Variants in CHCHD3 observed in about 807,000 individuals in gnomAD.
CHCHD3 encodes coiled-coil-helix-coiled-coil-helix domain containing 3.
A neutral mutation model predicts 38.2 loss-of-function variants in CHCHD3; 20 were observed. The observed-to-expected ratio is 0.52, with a 90% CI of 0.37 to 0.76. The LOEUF (loss-of-function observed/expected upper bound fraction) is 0.76, where lower values mean the gene tolerates loss of function less well. Ranked by LOEUF, CHCHD3 falls within the 30% of genes least tolerant of loss-of-function variation. The probability of loss-of-function intolerance (pLI) is 0.00; values close to 1 mark genes in which losing one functional copy is unlikely to be tolerated. For synonymous variants in CHCHD3, 82 were observed against 100.0 expected, an observed-to-expected ratio of 0.82 and a Z score of 1.07; for missense variants, 245 against 279.2, an observed-to-expected ratio of 0.88 and a Z score of 0.87.
chr7:132,888,864 G>A (rs902285187), intron 4 of CHCHD3, among the ~76,000 whole-genome samples: 2 of 152,016 alleles, frequency 1.3e-5, no homozygotes, highest in African/African-American at 2.4e-5. Flanking sequence ...CATGAGAAAT[G>A]GGGGAGGGAG....
rs572521355 is a variant in CHCHD3 at position 132,839,139 on chromosome 7, C to T, written c.454-670G>A. On this transcript the variant is annotated intron_variant, in intron 5 of 7. Transcript: ENST00000262570. ...CCCGGGAGGTGGAGGTTGCGGTGAG[C>T]GGAGATGGAGCCATTGCACTCCAGT... Among the ~76,000 whole-genome samples, 258 of 151,010 alleles carry T rather than the reference C, an allele frequency of 1.7e-3. 1 individual carries two copies. The highest frequency in any genetic ancestry group is 3.8e-3 in the South Asian group (18 of 4,778).
chr7:132,887,375 C>T (rs576592889), intron 4 of CHCHD3, among the ~76,000 whole-genome samples: 2 of 151,630 alleles, frequency 1.3e-5, no homozygotes, highest in South Asian at 2.1e-4. Context: ...ATCTAATATA[C>T]ATGACTACAT....
At chr7:132,879,901 G>A (rs748530954) in intron 5 of CHCHD3, among the ~76,000 whole-genome samples, 4 of 151,954 alleles carry the variant, frequency 2.6e-5, no homozygotes, top group East Asian at 3.9e-4. Context: ...AGCACAACTC[G>A]ATATTAAAAT....
At chr7:132,971,990 C>T (rs1384628761) in intron 4 of CHCHD3, among the ~76,000 whole-genome samples, 4 of 152,118 alleles carry the variant, frequency 2.6e-5, no homozygotes, top group Non-Finnish European at 5.9e-5. Flanking sequence ...AGCAGGCTTG[C>T]GATCACTGTC....
chr7:132,842,691 C>A (rs1166543149), intron 5 of CHCHD3, among the ~76,000 whole-genome samples: 1 of 152,182 alleles, frequency 6.6e-6, no homozygotes, highest in Admixed American at 6.5e-5. Flanking sequence ...GTGATTTGGG[C>A]TCACCTGGCG....
chr7:132,877,831 A>C (rs1808950979), intron 5 of CHCHD3, among the ~76,000 whole-genome samples: 1 of 152,124 alleles, frequency 6.6e-6, no homozygotes, highest in South Asian at 2.1e-4. Context: ...GTGTCAAAGG[A>C]ATAGTCTATC....
At chr7:132,807,076 T>G (rs142862716) in intron 6 of CHCHD3, among the ~76,000 whole-genome samples, 1 of 152,244 alleles carries the variant, frequency 6.6e-6, no homozygotes, top group East Asian at 1.9e-4. Flanking sequence ...AGTGCTCTGA[T>G]AGCAAGAGGG....
At chr7:132,958,959 T>C (rs951099487) in intron 4 of CHCHD3, among the ~76,000 whole-genome samples, 2 of 152,128 alleles carry the variant, frequency 1.3e-5, no homozygotes, top group Non-Finnish European at 2.9e-5. Context: ...TTAACCAGCA[T>C]CTTTTTTGCC....
intron 2 of CHCHD3, among the ~76,000 whole-genome samples, chr7:133,069,600 C>A (rs1584686148): frequency 6.6e-6 from 1 of 152,130 alleles, no homozygotes; most frequent in Admixed American, 6.5e-5. Flanking sequence ...GGAGAAGAAA[C>A]AGCATTAAGT....
intron 4 of CHCHD3, among the ~76,000 whole-genome samples, chr7:132,949,927 G>A (rs951471911): frequency 6.6e-6 from 1 of 152,068 alleles, no homozygotes; most frequent in African/African-American, 2.4e-5. Context: ...CCCTTCCAAT[G>A]GTCAGCTGTA....
At chr7:132,898,654 G>C (rs1213663136) in intron 4 of CHCHD3, among the ~76,000 whole-genome samples, 1 of 152,262 alleles carries the variant, frequency 6.6e-6, no homozygotes, top group African/African-American at 2.4e-5. Context: ...TGTGGAGCAG[G>C]GGGTGGCGCT....
intron 3 of CHCHD3, among the ~76,000 whole-genome samples, chr7:132,976,532 T>A (rs1009357603): frequency 2.6e-5 from 4 of 152,214 alleles, no homozygotes; most frequent in Admixed American, 2.0e-4. Context: ...GATTTCAGTC[T>A]AATCTCATGA....
intron 4 of CHCHD3, among the ~76,000 whole-genome samples, chr7:132,931,456 T>C (rs1024160974): frequency 6.6e-6 from 1 of 152,198 alleles, no homozygotes; most frequent in African/African-American, 2.4e-5. Context: ...AACATGAAAG[T>C]GGTTTGCTCA....
chr7:133,023,063 G>T (rs887727736), intron 3 of CHCHD3, among the ~76,000 whole-genome samples: 1 of 151,694 alleles, frequency 6.6e-6, no homozygotes, highest in African/African-American at 2.4e-5. Flanking sequence ...ATAACATATT[G>T]ATTCTCTTTT....
intron 2 of CHCHD3, among the ~76,000 whole-genome samples, chr7:133,038,632 G>A (rs1813744207): frequency 6.6e-6 from 1 of 152,160 alleles, no homozygotes; most frequent in Admixed American, 6.5e-5. Context: ...AAAAATTCTT[G>A]GCCACTGACT....
chr7:132,909,764 A>G lies in CHCHD3; in HGVS notation c.370-24019T>C, dbSNP rs540983599. On this transcript the variant is annotated intron_variant, in intron 4 of 7. Transcript: ENST00000262570. Reference sequence around the variant, plus strand: ...CTACTCTCTCATTATTAACACAACTACCTTTATCTTCTTCTCTACAAAGCC... The same window carrying G: ...CTACTCTCTCATTATTAACACAACTGCCTTTATCTTCTTCTCTACAAAGCC... Among the ~76,000 whole-genome samples, 14 of 152,132 alleles carry G rather than the reference A, an allele frequency of 9.2e-5. No individual in the cohort carries two copies. In the East Asian group the frequency reaches 2.5e-3, roughly 27 times the overall value.
chr7:132,862,064 T>TGATG (rs10666936), intron 5 of CHCHD3, among the ~76,000 whole-genome samples: 82,983 of 145,638 alleles, frequency 0.57, 24,084 homozygotes, highest in Non-Finnish European at 0.61. Flanking sequence ...TAATGTTTGC[T>TGATG]GATGGATGGA....
chr7:132,917,760 G>C (rs1052301003), intron 4 of CHCHD3, among the ~76,000 whole-genome samples: 2 of 150,666 alleles, frequency 1.3e-5, no homozygotes, highest in Admixed American at 6.6e-5. Context: ...TCGGGAGGCT[G>C]AGGCAGGAGA....
intron 4 of CHCHD3, among the ~76,000 whole-genome samples, chr7:132,971,153 T>C (rs572582191): frequency 6.6e-6 from 1 of 152,322 alleles, no homozygotes; most frequent in South Asian, 2.1e-4. Context: ...ACAATACACA[T>C]ATCAAGTTGC....
Sources: gnomAD v4.1 joint callset for allele counts (sites outside exome capture counted in the v4.1 genomes callset) on GRCh38, gnomAD v4.1.1 for gene constraint, MANE v1.5 for transcripts, NCBI Gene and HGNC (gene_info 2026-07-23, HGNC 2026-07-21) for gene names.